Variants in OTUD7B observed in about 807,000 individuals in gnomAD.
The protein encoded by OTUD7B is OTU deubiquitinase 7B.
OTUD7B carries 34 observed loss-of-function variants against 82.2 expected under a neutral mutation model. The ratio of observed to expected loss-of-function variants is 0.41; its 90% CI spans 0.31 to 0.55. OTUD7B has a LOEUF of 0.55. OTUD7B is among the 20% of genes least tolerant of loss of function. The pLI is 0.20. For synonymous variants in OTUD7B, 398 were observed against 402.7 expected (o/e 0.99, Z 0.14); for missense variants, 944 against 1,062.1 (o/e 0.89, Z 1.55).
chr1:150,022,431 A>C, the OTUD7B span, among the ~76,000 whole-genome samples: 4 of 109,162 alleles, frequency 3.7e-5, 1 homozygote, highest in Non-Finnish European at 3.7e-5. Flanking sequence ...AAATAACTAC[A>C]TGCTGAAGGT....
the OTUD7B span, among the ~76,000 whole-genome samples, chr1:150,034,168 A>C: frequency 6.6e-6 from 1 of 152,254 alleles, no homozygotes. Flanking sequence ...AATGTCTCTA[A>C]GCAGTTATTA....
chr1:149,951,493 G>A (rs1648250002), intron 7 of OTUD7B, among the ~76,000 whole-genome samples: 2 of 152,122 alleles, frequency 1.3e-5, no homozygotes, highest in South Asian at 4.1e-4. Flanking sequence ...TACTACAACT[G>A]CATCTTATCC....
chr1:149,982,678 C>CAAA (rs1559854060), intron 1 of OTUD7B, among the ~76,000 whole-genome samples: 1 of 151,988 alleles, frequency 6.6e-6, no homozygotes, highest in African/African-American at 2.4e-5. Flanking sequence ...CCTAACATTT[C>CAAA]TGCCTTAGAA....
At chr1:150,050,282 TA>T in the OTUD7B span, among the ~76,000 whole-genome samples, 4 of 151,748 alleles carry the variant, frequency 2.6e-5, no homozygotes, top group Non-Finnish European at 5.9e-5. Context: ...GGAAATCAAG[TA>T]AAAATAAATA....
chr1:150,014,104 ATAGTAG>A (rs1351436477), upstream of OTUD7B, among the ~76,000 whole-genome samples: 127 of 9,850 alleles, frequency 0.013, 5 homozygotes, highest in African/African-American at 0.034. Flanking sequence ...ATATATATAT[ATAGTAG>A]GGGCTCAGCC....
chr1:149,950,307 G>A, intron 7 of OTUD7B, 86 bp from the exon 8 acceptor site: 1 of 1,354,574 alleles, frequency 7.4e-7, no homozygotes, highest in Non-Finnish European at 1.0e-6. Context: ...CAGTTCTGCA[G>A]AAAGGGAAAA....
the OTUD7B span, among the ~76,000 whole-genome samples, chr1:150,026,726 C>A: frequency 6.6e-6 from 1 of 151,870 alleles, no homozygotes; most frequent in Non-Finnish European, 1.5e-5. Context: ...AAAGCCAGTA[C>A]GGAAAGAGAA....
intron 1 of OTUD7B, among the ~76,000 whole-genome samples, chr1:149,994,597 A>C (rs2101909318): frequency 6.9e-6 from 1 of 144,176 alleles, no homozygotes; most frequent in East Asian, 2.0e-4. Context: ...AAAAAAAAAA[A>C]AAAAAAAAAC....
the OTUD7B span, among the ~76,000 whole-genome samples, chr1:150,025,330 G>A: frequency 2.0e-5 from 3 of 149,952 alleles, no homozygotes; most frequent in East Asian, 4.0e-4. Context: ...CAGGAGAATC[G>A]CTTGAACCCA....
chr1:149,953,132 T>C (rs1553773893), intron 7 of OTUD7B, among the ~76,000 whole-genome samples: 4 of 152,220 alleles, frequency 2.6e-5, no homozygotes, highest in Non-Finnish European at 5.9e-5. Flanking sequence ...CATGCCTATG[T>C]CCTGAAGGGT....
intron 7 of OTUD7B, among the ~76,000 whole-genome samples, chr1:149,957,056 C>T (rs1213022489): frequency 1.3e-5 from 2 of 152,206 alleles, no homozygotes; most frequent in African/African-American, 4.8e-5. Context: ...AGTCATTCTC[C>T]GTCCAGCTTT....
At position 149,964,180 on chromosome 1, in the gene OTUD7B, G is replaced by A. The variant is rs191978818; in HGVS notation, c.732+42C>T. On this transcript the variant is annotated intron_variant, in intron 6 of 11. Transcript: ENST00000581312. ...GGCACCCAGTGACTTTGGCAGCTTG[G>A]TAACTTTAGGAAACAAGGCGCTCCC... The A allele has an allele frequency of 1.8e-5, 29 of 1,603,410 alleles. No homozygotes were observed. The East Asian group carries it at 6.0e-4, about 33-fold the overall frequency.
the OTUD7B span, among the ~76,000 whole-genome samples, chr1:150,041,047 G>A: frequency 4.0e-5 from 6 of 151,438 alleles, no homozygotes; most frequent in East Asian, 1.9e-4. Flanking sequence ...TTGTTTCATC[G>A]TAGTTAAAAA....
rs377142854 is a variant in OTUD7B, at chr1:149,944,411, C to T, written c.1978G>A (p.Gly660Ser). 2.2e-5 allele frequency: 35 copies of T among 1,613,974 alleles called. No homozygotes were observed. Among genetic ancestry groups the T allele is most frequent in the African/African-American group, 2.7e-5 (2 of 74,888 alleles). The change falls in exon 12 of 12, where the codon GGC (glycine) becomes AGC (serine). Residue 660 changes from glycine (G) to serine (S), a missense_variant. Around this residue, in one of 3 missense-constraint regions of OTUD7B, gnomAD observed 412 missense variants for 418.7 expected, o/e 0.98. Transcript: ENST00000581312. Reference protein sequence around the residue: ...RKIMNGGIGGGPPPAKKPEPD... With the variant: ...RKIMNGGIGGSPPPAKKPEPD... ...TCTGGCTTTTTGGCTGGAGGAGGGC[C>T]ACCCCCTATTCCTCCATTCATGATC...
At chr1:149,988,851 A>G (rs1402936954) in intron 1 of OTUD7B, among the ~76,000 whole-genome samples, 1 of 152,224 alleles carries the variant, frequency 6.6e-6, no homozygotes, top group Admixed American at 6.5e-5. Flanking sequence ...TACTTGACCT[A>G]TTAAAGATTC....
intron 7 of OTUD7B, among the ~76,000 whole-genome samples, chr1:149,957,522 C>T (rs1648774913): frequency 6.6e-6 from 1 of 152,228 alleles, no homozygotes; most frequent in South Asian, 2.1e-4. Flanking sequence ...GTTCTCAGAT[C>T]TCAAACCGCG....
At chr1:149,962,656 A>T (rs1649238287) in intron 6 of OTUD7B, 1 of 152,206 alleles carries the variant, frequency 6.6e-6, no homozygotes. Flanking sequence ...CCATCTTTAG[A>T]ATAATAACTA....
chr1:150,020,082 C>T, the OTUD7B span, among the ~76,000 whole-genome samples: 1 of 152,150 alleles, frequency 6.6e-6, no homozygotes, highest in Non-Finnish European at 1.5e-5. Context: ...GAACTGAGAT[C>T]GCATCACTAC....
chr1:149,945,198 A>G (rs587721022), intron 11 of OTUD7B, 133 bp from the exon 12 acceptor site: 1 of 1,228,420 alleles, frequency 8.1e-7, no homozygotes, highest in East Asian at 2.5e-5. Context: ...AGCCAGGTAG[A>G]AAAGGATGGA....
Sources: gnomAD v4.1 joint callset for allele counts (sites outside exome capture counted in the v4.1 genomes callset) on GRCh38, gnomAD v4.1.1 for gene constraint, gnomAD v4.1.1 regional missense constraint, MANE v1.5 for transcripts, NCBI Gene and HGNC (gene_info 2026-07-23, HGNC 2026-07-21) for gene names.